The following RNF123 variants were observed in gnomAD, a reference collection of about 807,000 sequenced individuals.
RNF123 encodes ring finger protein 123, also known as E3 ubiquitin-protein ligase RNF123.
RNF123 carries 86 observed loss-of-function variants against 168.5 expected under a neutral mutation model. That is an observed-to-expected ratio of 0.51 (90% CI 0.43 to 0.61). The LOEUF (loss-of-function observed/expected upper bound fraction) is 0.61. Ranked by LOEUF, RNF123 falls within the 20% of genes least tolerant of loss-of-function variation. The probability of loss-of-function intolerance (pLI) is 0.00; values close to 1 mark genes in which losing one functional copy is unlikely to be tolerated. For synonymous variants in RNF123, 666 were observed against 689.1 expected (o/e 0.97, Z 0.52); for missense variants, 1,419 against 1,729.7 (o/e 0.82, Z 3.19).
rs767597997 is a variant in RNF123 at position 49,698,805 on chromosome 3, C to A, written c.621C>A (p.Gly207=). The A allele has an allele frequency of 1.7e-5, 27 of 1,613,784 alleles. No homozygotes were observed. Among genetic ancestry groups the A allele is most frequent in the Non-Finnish European group, 1.9e-5 (22 of 1,179,932 alleles). The part of the protein sequence containing the change: ...IVSCLIDLDD[G]TLSFCLNGVS... ...GCTGCCTGATTGACCTGGATGATGG[C>A]ACTCTGTCCTTCTGCCTGTGAGTTT... Residue 207 remains glycine (G), a synonymous_variant, in exon 9 of 39, where the codon GGC becomes GGA. Coordinates refer to ENST00000327697, the MANE Select transcript of RNF123 (RefSeq NM_022064.5).
At chr3:49,702,232 T>G in intron 18 of RNF123, 88 bp downstream of exon 18, 5 of 1,583,454 alleles carry the variant, frequency 3.2e-6, no homozygotes, top group Non-Finnish European at 4.3e-6. Context: ...GAACTGGGTT[T>G]GGTTCCCATG....
chr3:49,716,364 GCTCAT>G, intron 34 of RNF123, 24 bp from the exon 35 acceptor site: 1 of 1,607,548 alleles, frequency 6.2e-7, no homozygotes, highest in Non-Finnish European at 8.5e-7. Context: ...CATGTGGGTG[GCTCAT>G]CTCTTTCCTC....
In RNF123 at chr3:49,699,351, T is replaced by C; in HGVS notation, c.765-117T>C. The C allele has an allele frequency of 2.0e-6, 2 of 1,016,680 alleles. No homozygotes were observed. Among genetic ancestry groups the C allele is most frequent in the Non-Finnish European group, 2.9e-6 (2 of 686,072 alleles). 63.0% of individuals were successfully genotyped at this position (1,016,680 alleles called of 1,614,324 possible). A position where few individuals can be genotyped will look rare whatever the true frequency, so the allele number is the denominator to read the frequency against. On this transcript the variant is annotated intron_variant, in intron 10 of 38. Coordinates refer to ENST00000327697, the MANE Select transcript of RNF123 (RefSeq NM_022064.5). This position sits in a 1 kb window ranked among gnomAD's most constrained non-coding sequence, Gnocchi z 4.8. ...TCCCTAGGGAGAATAAGTGGGCAAG[T>C]TGTGATGCAAACCAGCCCTGCCCTA...
Position 49,705,557 on chromosome 3 carries a change from G to C in RNF123, c.2182G>C (p.Gly728Arg), listed in dbSNP as rs753213569. 6.2e-7 allele frequency: 1 copy of C among 1,604,990 alleles called. No homozygotes were observed. Among genetic ancestry groups the C allele is most frequent in the Non-Finnish European group, 8.5e-7 (1 of 1,175,770 alleles). Residue 728 changes from glycine to arginine, a missense_variant, in exon 24 of 39, where the codon GGC (glycine) becomes CGC (arginine). Gly to Arg is a moderately radical substitution (Grantham distance 125). Coordinates refer to ENST00000327697, the MANE Select transcript of RNF123 (RefSeq NM_022064.5). ...EDIEGSHWNE[G>R]LLLGRPPEEP... The stretch of plus-strand genomic sequence containing the variant: ...AGTTGAAGGCAGCCACTGGAATGAG[G>C]GCTTGCTGCTGGGGCGGCCCCCCGA...
chr3:49,699,075 T>C lies in RNF123; in HGVS notation c.734T>C (p.Val245Ala), dbSNP rs1242647419. 3 of 1,613,688 alleles carry C rather than the reference T, an allele frequency of 1.9e-6. No homozygotes were observed. The highest frequency in any genetic ancestry group is 2.2e-5 in the East Asian group (1 of 44,890). The change falls in exon 10 of 39, where the codon GTG (valine) becomes GCG (alanine). Residue 245 changes from valine to alanine, a missense_variant. This residue lies in a region of RNF123 where 318 missense variants were observed against 446.6 expected (regional missense o/e 0.71). Coordinates refer to ENST00000327697, the MANE Select transcript of RNF123 (RefSeq NM_022064.5). This position sits in a 1 kb window ranked among gnomAD's most constrained non-coding sequence, Gnocchi z 4.8. ...PAISLSFKES[V>A]AFNFGSRPLR... ...ATCAGCCTCTCTTTCAAGGAGTCCG[T>C]GGCCTTCAACTTTGGCAGCCGTCCT...
intron 21 of RNF123, 152 bp from the exon 22 acceptor site, chr3:49,704,498 G>T: frequency 1.6e-6 from 1 of 608,166 alleles, no homozygotes; most frequent in East Asian, 3.0e-5. Flanking sequence ...GCTGGGTGGA[G>T]GAGGCGGAGG....
intron 20 of RNF123, among the ~76,000 whole-genome samples, chr3:49,703,099 G>T (rs143707867): frequency 1.2e-4 from 18 of 152,304 alleles, no homozygotes; most frequent in Non-Finnish European, 2.4e-4. Context: ...CCAAGGGTCA[G>T]TGGGAGCCTT....
chr3:49,719,255 T>C (rs2080330773), intron 35 of RNF123: 1 of 1,613,134 alleles, frequency 6.2e-7, no homozygotes, highest in South Asian at 1.1e-5. Context: ...TGGAGCGCGT[T>C]GTGGCTCAGG....
chr3:49,697,769 T>C (rs764988912), intron 5 of RNF123, 116 bp from the exon 6 acceptor site: 39 of 1,272,542 alleles, frequency 3.1e-5, no homozygotes, highest in Non-Finnish European at 4.3e-5. Flanking sequence ...AGTGCAGTGT[T>C]GGCCGCCACA....
At chr3:49,700,193 G>C (rs532528642) in intron 12 of RNF123, 34 bp from the exon 13 acceptor site, 3 of 1,612,452 alleles carry the variant, frequency 1.9e-6, no homozygotes, top group Non-Finnish European at 2.5e-6. Context: ...AGAGTGGAAG[G>C]CCACCACCTC....
At chr3:49,702,262 G>A (rs2054417975) in intron 18 of RNF123, 72 bp from the exon 19 acceptor site, 1 of 1,588,166 alleles carries the variant, frequency 6.3e-7, no homozygotes, top group Non-Finnish European at 8.6e-7. Flanking sequence ...GGGGGAAGGT[G>A]CAGCACTGAG....
intron 3 of RNF123, among the ~76,000 whole-genome samples, chr3:49,692,290 A>G (rs749125051): frequency 7.9e-5 from 12 of 152,266 alleles, no homozygotes; most frequent in Non-Finnish European, 1.6e-4. Context: ...TTATTTTAAC[A>G]TGACTATTCA....
intron 27 of RNF123, 59 bp from the exon 28 acceptor site, chr3:49,713,454 C>G: frequency 6.6e-7 from 1 of 1,513,160 alleles, no homozygotes; most frequent in Non-Finnish European, 9.0e-7. Context: ...ACCCTGCTGA[C>G]ATGCCTGCCT....
chr3:49,709,464 C>T (rs2080100203), intron 26 of RNF123, among the ~76,000 whole-genome samples: 1 of 152,124 alleles, frequency 6.6e-6, no homozygotes, highest in South Asian at 2.1e-4. Flanking sequence ...CCACGCCCGG[C>T]TAATTTTTTG....
At position 49,713,560 on chromosome 3, in the gene RNF123, T is replaced by G. The variant is rs1181726728; in HGVS notation, c.2722T>G (p.Phe908Val). Residue 908 changes from phenylalanine (F) to valine (V), a missense_variant, in exon 28 of 39, where the codon TTT becomes GTT. Transcript: ENST00000327697. ...TRLAAILAKH[F>V]ADARIVGTDI... ...CCTGGCTGCCATTCTCGCCAAACAC[T>G]TTGCCGACGCACGCATTGTGGGCAC... 2 of 1,612,502 alleles carry G rather than the reference T, an allele frequency of 1.2e-6. No homozygotes were observed. Among genetic ancestry groups the G allele is most frequent in the African/African-American group, 1.3e-5 (1 of 74,900 alleles).
Position 49,699,232 on chromosome 3 carries a change from G to A in RNF123, c.764+127G>A. The stretch of plus-strand genomic sequence containing the variant: ...CTGGCTGCTGCAGAGTTAGTGGGGG[G>A]CCATGTAGAGTGTCGAAGAAAACTT... On this transcript the variant is annotated intron_variant, in intron 10 of 38. Transcript: ENST00000327697. This position sits in a 1 kb window ranked among gnomAD's most constrained non-coding sequence, Gnocchi z 4.8. 1 of 1,323,156 alleles carries A rather than the reference G, an allele frequency of 7.6e-7. No individual in the cohort carries two copies. Among genetic ancestry groups the A allele is most frequent in the Admixed American group, 2.4e-5 (1 of 42,448 alleles). 82.0% of individuals were successfully genotyped at this position (1,323,156 alleles called of 1,614,324 possible).
chr3:49,721,030 A>G lies in RNF123; in HGVS notation c.3749A>G (p.Glu1250Gly). 1 of 1,612,414 alleles carries G rather than the reference A, an allele frequency of 6.2e-7. No individual in the cohort carries two copies. The highest frequency in any genetic ancestry group is 1.7e-4 in the Middle Eastern group (1 of 6,052). The change falls in exon 38 of 39, where the codon GAG (glutamate) becomes GGG (glycine). Residue 1250 changes from glutamate (E) to glycine (G), a missense_variant. Transcript: ENST00000327697. Reference protein sequence around the residue: ...QAAAASLPTSEEDLCPICYAH... With the variant: ...QAAAASLPTSGEDLCPICYAH... ...CTCTCCTCCCTGCAGCCCACCAGTGAGGAGGACCTCTGCCCCATCTGCTAT... is the reference window on the plus strand; with the variant it reads ...CTCTCCTCCCTGCAGCCCACCAGTGGGGAGGACCTCTGCCCCATCTGCTAT...
chr3:49,693,925 C>CT (rs928477416), intron 3 of RNF123, among the ~76,000 whole-genome samples: 1 of 152,180 alleles, frequency 6.6e-6, no homozygotes, highest in Non-Finnish European at 1.5e-5. Context: ...CTGTTCGTAT[C>CT]TTTTGCCCAT....
intron 1 of RNF123, among the ~76,000 whole-genome samples, chr3:49,690,701 T>C (rs1206329975): frequency 1.3e-5 from 2 of 152,224 alleles, no homozygotes; most frequent in Non-Finnish European, 2.9e-5. Context: ...AGTGGTGGTC[T>C]GCACTTGGGG....
Sources: gnomAD v4.1 joint callset for allele counts (sites outside exome capture counted in the v4.1 genomes callset) on GRCh38, gnomAD v4.1.1 for gene constraint, gnomAD v4.1.1 regional missense constraint, Gnocchi (gnomAD v3.1) non-coding constraint, MANE v1.5 for transcripts, NCBI Gene and HGNC (gene_info 2026-07-23, HGNC 2026-07-21) for gene names.